Variants in LHFPL3 observed in about 807,000 individuals in gnomAD.
LHFPL3 encodes LHFPL tetraspan subfamily member 3 protein.
LHFPL3 carries 5 observed loss-of-function variants against 19.3 expected under a neutral mutation model. That is an observed-to-expected ratio of 0.26 (90% CI 0.14 to 0.54). LHFPL3 has a LOEUF of 0.54. Ranked by LOEUF, LHFPL3 falls within the 20% of genes least tolerant of loss-of-function variation. The pLI, the probability that LHFPL3 is intolerant of heterozygous loss-of-function variation, is 0.94. For missense variants in LHFPL3, 249 were observed against 307.4 expected, an observed-to-expected ratio of 0.81 and a Z score of 1.42; for synonymous variants, 133 against 126.2, an observed-to-expected ratio of 1.05 and a Z score of -0.36.
chr7:104,498,856 G>A (rs1025194320), intron 1 of LHFPL3, among the ~76,000 whole-genome samples: 3 of 152,128 alleles, frequency 2.0e-5, no homozygotes, highest in East Asian at 1.9e-4. Flanking sequence ...GACACAGATA[G>A]GTCCACAATC....
intron 2 of LHFPL3, among the ~76,000 whole-genome samples, chr7:104,873,822 T>G (rs1226136549): frequency 6.6e-6 from 1 of 152,152 alleles, no homozygotes; most frequent in Non-Finnish European, 1.5e-5. Context: ...AATCTCAGAG[T>G]GCGAGGCAAG....
rs142325275 is a variant in LHFPL3, at chr7:104,826,964, C to T, written c.683-79223C>T. Among the ~76,000 whole-genome samples the T allele has an allele frequency of 4.6e-5, 7 of 151,982 alleles. No homozygotes were observed. The East Asian group carries it at 1.4e-3, about 29-fold the overall frequency. ...TCAGAAATATTCATGCAAAGGATAC[C>T]CTTGTGTGGAAGAAGCCCTTTTGTA... On this transcript the variant is annotated intron_variant, in intron 2 of 2. Transcript: ENST00000424859.
At position 104,719,817 on chromosome 7, in the gene LHFPL3, G is replaced by T. The variant is rs117093500; in HGVS notation, c.446-16858G>T. Among the ~76,000 whole-genome samples, 419 of 152,270 alleles carry T rather than the reference G, an allele frequency of 2.8e-3. 3 individuals carry two copies. Among genetic ancestry groups the T allele is most frequent in the Non-Finnish European group, 5.4e-3 (366 of 68,034 alleles). On this transcript the variant is annotated intron_variant, in intron 1 of 2. Coordinates refer to ENST00000424859, the MANE Select transcript of LHFPL3 (RefSeq NM_199000.3). ...AGCATAGATTCCAAAAGCATAGACT[G>T]CCTAGGTTCAAATCCTGATTCTGCC... is the stretch of plus-strand genomic sequence containing the variant.
chr7:104,524,464 A>C (rs914023621), intron 1 of LHFPL3, among the ~76,000 whole-genome samples: 1 of 152,210 alleles, frequency 6.6e-6, no homozygotes, highest in South Asian at 2.1e-4. Flanking sequence ...CATCAGTGAA[A>C]CCATCTGCTT....
intron 1 of LHFPL3, among the ~76,000 whole-genome samples, chr7:104,689,750 TATC>T (rs1303968413): frequency 6.6e-6 from 1 of 152,186 alleles, no homozygotes; most frequent in East Asian, 1.9e-4. Context: ...GGACCCAAAG[TATC>T]ATTGTGGTCC....
chr7:104,643,105 G>A (rs1305017120), intron 1 of LHFPL3, among the ~76,000 whole-genome samples: 1 of 152,184 alleles, frequency 6.6e-6, no homozygotes, highest in Non-Finnish European at 1.5e-5. Flanking sequence ...GCATGAATCT[G>A]AAGTCTAAAC....
intron 1 of LHFPL3, among the ~76,000 whole-genome samples, chr7:104,397,475 A>G (rs926448875): frequency 6.6e-6 from 1 of 152,202 alleles, no homozygotes; most frequent in Non-Finnish European, 1.5e-5. Flanking sequence ...CTGGGGATTC[A>G]TGGTTCATCG....
At chr7:104,859,319 C>G (rs1246228366) in intron 2 of LHFPL3, among the ~76,000 whole-genome samples, 1 of 151,554 alleles carries the variant, frequency 6.6e-6, no homozygotes, top group Non-Finnish European at 1.5e-5. Flanking sequence ...CTATTACCAC[C>G]CTACCTAGTC....
chr7:104,357,081 TA>T (rs1294735515), intron 1 of LHFPL3, among the ~76,000 whole-genome samples: 2 of 152,158 alleles, frequency 1.3e-5, no homozygotes, highest in Non-Finnish European at 2.9e-5. Flanking sequence ...AAAGGATGAA[TA>T]GGATTTTCAT....
At chr7:104,531,572 C>T (rs755561702) in intron 1 of LHFPL3, among the ~76,000 whole-genome samples, 8 of 152,090 alleles carry the variant, frequency 5.3e-5, no homozygotes, top group Admixed American at 2.0e-4. Context: ...AAAGAAAGCC[C>T]GGCCCACCTA....
chr7:104,802,601 G>A (rs1053348411), intron 2 of LHFPL3, among the ~76,000 whole-genome samples: 3 of 151,518 alleles, frequency 2.0e-5, no homozygotes, highest in South Asian at 4.2e-4. Flanking sequence ...AACAGGCACT[G>A]AATCTGCTAG....
At position 104,743,162 on chromosome 7, in the gene LHFPL3, C is replaced by T. The variant is rs74301021; in HGVS notation, c.682+6251C>T. Among the ~76,000 whole-genome samples, 696 of 152,156 alleles carry T rather than the reference C, an allele frequency of 4.6e-3. 30 individuals are homozygous for T. The East Asian group carries it at 0.1, about 22-fold the overall frequency. Reference sequence around the variant, plus strand: ...AACAAAAAAGTCAAAGGGGAAGGGGCTCTAGGATGCCCTGAATGTTTCCTG... The same window carrying T: ...AACAAAAAAGTCAAAGGGGAAGGGGTTCTAGGATGCCCTGAATGTTTCCTG... On this transcript the variant is annotated intron_variant, in intron 2 of 2. Coordinates refer to ENST00000424859, the MANE Select transcript of LHFPL3 (RefSeq NM_199000.3).
intron 1 of LHFPL3, among the ~76,000 whole-genome samples, chr7:104,583,377 A>T (rs1024038716): frequency 6.6e-6 from 1 of 152,194 alleles, no homozygotes; most frequent in Non-Finnish European, 1.5e-5. Flanking sequence ...AACCTAGGCA[A>T]TACCATTCAG....
chr7:104,619,463 A>G (rs1054272299), intron 1 of LHFPL3, among the ~76,000 whole-genome samples: 3 of 152,056 alleles, frequency 2.0e-5, no homozygotes, highest in Non-Finnish European at 4.4e-5. Context: ...CAGTACTCAT[A>G]TTTCTTCCAT....
intron 1 of LHFPL3, among the ~76,000 whole-genome samples, chr7:104,551,022 T>C (rs1794653066): frequency 6.6e-6 from 1 of 152,138 alleles, no homozygotes; most frequent in Non-Finnish European, 1.5e-5. Context: ...CTATAGACCT[T>C]GACCTTTTCA....
intron 1 of LHFPL3, among the ~76,000 whole-genome samples, chr7:104,715,082 G>T (rs1793362933): frequency 6.6e-6 from 1 of 152,022 alleles, no homozygotes; most frequent in Non-Finnish European, 1.5e-5. Flanking sequence ...AGGGAAGATA[G>T]CTTGAGCCCA....
chr7:104,743,290 G>T, intron 2 of LHFPL3, among the ~76,000 whole-genome samples: 1 of 151,968 alleles, frequency 6.6e-6, no homozygotes, highest in East Asian at 1.9e-4. Flanking sequence ...GTCCATGGCA[G>T]AGGAGCCTCC....
chr7:104,875,083 A>G (rs1449367278), intron 2 of LHFPL3, among the ~76,000 whole-genome samples: 1 of 151,958 alleles, frequency 6.6e-6, no homozygotes, highest in Non-Finnish European at 1.5e-5. Context: ...CCTGGTCTCA[A>G]GCAATCCTCC....
intron 1 of LHFPL3, among the ~76,000 whole-genome samples, chr7:104,640,681 C>G (rs147836768): frequency 6.6e-6 from 1 of 152,112 alleles, no homozygotes; most frequent in Non-Finnish European, 1.5e-5. Context: ...TAATGATCGC[C>G]GTTCTAACTG....
Sources: allele counts gnomAD v4.1 joint callset (sites outside exome capture counted in the v4.1 genomes callset), GRCh38; gene constraint gnomAD v4.1.1; transcripts MANE v1.5; gene names NCBI Gene and HGNC (gene_info 2026-07-23, HGNC 2026-07-21).